Variants in ELMO1 observed in about 807,000 individuals in gnomAD.
ELMO1 encodes engulfment and cell motility 1.
In ELMO1, 26 loss-of-function variants were observed where a neutral mutation model predicts 98.9. The ratio of observed to expected loss-of-function variants is 0.26; its 90% CI spans 0.19 to 0.36. The LOEUF is 0.36. ELMO1 is among the 10% of genes least tolerant of loss of function. The probability of loss-of-function intolerance (pLI) is 1.00; values close to 1 mark genes in which losing one functional copy is unlikely to be tolerated. For missense variants in ELMO1, 627 were observed against 935.2 expected (o/e 0.67, Z 4.30); for synonymous variants, 346 against 346.0 (o/e 1.00, Z 0.00).
chr7:37,359,079 A>C (rs1349182693), intron 1 of ELMO1, among the ~76,000 whole-genome samples: 2 of 152,234 alleles, frequency 1.3e-5, no homozygotes, highest in Non-Finnish European at 2.9e-5. Context: ...CTCCAAATAG[A>C]AGATGGACTC....
chr7:37,277,442 G>C (rs10273185), intron 4 of ELMO1, among the ~76,000 whole-genome samples: 203 of 152,322 alleles, frequency 1.3e-3, no homozygotes, highest in Non-Finnish European at 2.4e-3. Flanking sequence ...TCATGGAACA[G>C]AGAAAAGTCC....
At chr7:37,030,362 T>C (rs13229823) in intron 15 of ELMO1, among the ~76,000 whole-genome samples, 6,080 of 152,256 alleles carry the variant, frequency 0.04, 157 homozygotes, top group Middle Eastern at 0.088. Flanking sequence ...TGTTTTTTTT[T>C]CCTCTCCCCT....
intron 7 of ELMO1, among the ~76,000 whole-genome samples, chr7:37,243,208 T>C (rs930275217): frequency 6.6e-6 from 1 of 152,218 alleles, no homozygotes; most frequent in Non-Finnish European, 1.5e-5. Flanking sequence ...TACTGTCTAA[T>C]AAATTTTAAA....
chr7:37,074,795 G>A (rs1366630516), intron 15 of ELMO1, among the ~76,000 whole-genome samples: 1 of 152,162 alleles, frequency 6.6e-6, no homozygotes, highest in Non-Finnish European at 1.5e-5. Flanking sequence ...TTAGGGAGTT[G>A]CAAATGGGCA....
In ELMO1 at chr7:37,005,287, C is replaced by T. The variant is rs193143215; in HGVS notation, c.1437+8012G>A. On this transcript the variant is annotated intron_variant, in intron 16 of 21. Transcript: ENST00000310758. ...GAGATGCAGGGTACAGTGCACAACC[C>T]CAGGACAGTCCCTGAAAATTGGTCA... 1.0e-3 allele frequency among the ~76,000 whole-genome samples: 154 copies of T among 151,924 alleles called. 1 individual carries two copies. In the Middle Eastern group the frequency reaches 0.02, roughly 20 times the overall value.
At chr7:37,026,644 A>T (rs1794594263) in intron 15 of ELMO1, among the ~76,000 whole-genome samples, 2 of 152,170 alleles carry the variant, frequency 1.3e-5, no homozygotes, top group African/African-American at 4.8e-5. Context: ...TGTGTCAAAC[A>T]AACCACCCCT....
intron 13 of ELMO1, among the ~76,000 whole-genome samples, chr7:37,165,811 G>C (rs1428817882): frequency 6.6e-5 from 10 of 152,088 alleles, no homozygotes; most frequent in Non-Finnish European, 1.3e-4. Context: ...TTTTGGTTCT[G>C]TCTCTGCCCG....
intron 14 of ELMO1, among the ~76,000 whole-genome samples, chr7:37,125,981 G>C (rs1236791962): frequency 6.6e-6 from 1 of 152,096 alleles, no homozygotes; most frequent in African/African-American, 2.4e-5. Flanking sequence ...AAAATGATGA[G>C]GTCATGTCCT....
chr7:37,215,349 G>A (rs541539314), intron 11 of ELMO1, among the ~76,000 whole-genome samples: 1 of 152,272 alleles, frequency 6.6e-6, no homozygotes, highest in East Asian at 1.9e-4. Flanking sequence ...GAGAGGGAGG[G>A]GGGATAGTGT....
At chr7:37,200,892 G>A (rs1017375052) in intron 13 of ELMO1, among the ~76,000 whole-genome samples, 3 of 151,114 alleles carry the variant, frequency 2.0e-5, no homozygotes, top group Non-Finnish European at 4.4e-5. Flanking sequence ...CAGTTGAGCC[G>A]AGATCGCACC....
At position 36,967,048 on chromosome 7, in the gene ELMO1, T is replaced by C. The variant is rs182377727; in HGVS notation, c.1437+46251A>G. Among the ~76,000 whole-genome samples the C allele has an allele frequency of 1.1e-4, 16 of 152,348 alleles. No individual in the cohort carries two copies. The East Asian group carries it at 3.1e-3, about 29-fold the overall frequency. On this transcript the variant is annotated intron_variant, in intron 16 of 21. Coordinates refer to ENST00000310758, the MANE Select transcript of ELMO1 (RefSeq NM_014800.11). ...TGACATAGCTGCAGGTAGAATAAAG[T>C]AGCAGCTAGTCTTTTCACAAGTGTT...
In ELMO1 at chr7:36,855,460, G is replaced by C; in HGVS notation, c.*91C>G. The C allele has an allele frequency of 1.3e-6, 2 of 1,521,786 alleles. No homozygotes were observed. The highest frequency in any genetic ancestry group is 2.3e-5 in the South Asian group (2 of 85,412). 94.3% of individuals were successfully genotyped at this position (1,521,786 alleles called of 1,614,324 possible). On this transcript the variant is annotated 3_prime_UTR_variant, in exon 22 of 22. Transcript: ENST00000310758. The surrounding 1 kb of genome is among the most constrained non-coding windows in gnomAD (Gnocchi z 4.2). ...GACCCACAGCTTCCCTTTACCAAAG[G>C]ACGGTTCCAAGGCGTGGGTGTGTTT...
At chr7:36,857,214 G>A (rs754782918) in intron 21 of ELMO1, among the ~76,000 whole-genome samples, 3 of 152,210 alleles carry the variant, frequency 2.0e-5, no homozygotes, top group Admixed American at 6.5e-5. Context: ...TCAATTTAGT[G>A]TTAAGGGATT....
intron 1 of ELMO1, among the ~76,000 whole-genome samples, chr7:37,409,618 G>A (rs913467150): frequency 1.3e-5 from 2 of 152,230 alleles, no homozygotes; most frequent in African/African-American, 4.8e-5. Context: ...GTGGGCCAGA[G>A]GCCTCAATTC....
chr7:37,379,133 G>T (rs758550784), intron 1 of ELMO1, among the ~76,000 whole-genome samples: 4 of 151,856 alleles, frequency 2.6e-5, no homozygotes, highest in Non-Finnish European at 5.9e-5. Context: ...TCCGCCTCCC[G>T]GGTTCATGCC....
intron 14 of ELMO1, among the ~76,000 whole-genome samples, chr7:37,104,039 A>C (rs1242362110): frequency 6.3e-5 from 9 of 142,652 alleles, no homozygotes; most frequent in African/African-American, 2.4e-4. Context: ...AAAAAAAAAA[A>C]AAAAGAACAG....
intron 16 of ELMO1, among the ~76,000 whole-genome samples, chr7:36,944,879 G>A (rs1787346317): frequency 6.6e-6 from 1 of 152,146 alleles, no homozygotes; most frequent in South Asian, 2.1e-4. Flanking sequence ...GAGCTAGAAG[G>A]GGCTGCCCCA....
intron 16 of ELMO1, among the ~76,000 whole-genome samples, chr7:36,969,912 G>T (rs1464505487): frequency 6.6e-6 from 1 of 151,804 alleles, no homozygotes; most frequent in African/African-American, 2.4e-5. Context: ...ATTGTAAGGG[G>T]TTTTATTTTT....
intron 4 of ELMO1, among the ~76,000 whole-genome samples, chr7:37,286,478 C>T (rs1192375011): frequency 6.6e-6 from 1 of 152,188 alleles, no homozygotes; most frequent in East Asian, 1.9e-4. Context: ...TCCCTTTCTG[C>T]AGTGCCACAT....
Sources: allele counts gnomAD v4.1 joint callset (sites outside exome capture counted in the v4.1 genomes callset), GRCh38; gene constraint gnomAD v4.1.1; non-coding constraint Gnocchi (gnomAD v3.1); transcripts MANE v1.5; gene names NCBI Gene and HGNC (gene_info 2026-07-23, HGNC 2026-07-21).